Variants in KRT8 observed in about 807,000 individuals in gnomAD.
The protein encoded by KRT8 is keratin, type II cytoskeletal 8.
A neutral mutation model predicts 43.0 loss-of-function variants in KRT8; 24 were observed. That is an observed-to-expected ratio of 0.56 (90% CI 0.40 to 0.78). KRT8 has a LOEUF of 0.78. Ranked by LOEUF, KRT8 falls within the 30% of genes least tolerant of loss-of-function variation. KRT8 has a pLI of 0.00. For synonymous variants in KRT8, 214 were observed against 261.2 expected (o/e 0.82, Z 1.74); for missense variants, 492 against 638.4 (o/e 0.77, Z 2.47).
rs74724178 is a variant in KRT8, at chr12:52,919,978, G to A, written c.-46-14951C>T. Among the ~76,000 whole-genome samples the A allele has an allele frequency of 6.2e-3, 941 of 152,276 alleles. 11 individuals are homozygous for A. Among genetic ancestry groups the A allele is most frequent in the Middle Eastern group, 0.01 (3 of 294 alleles). ...AATCCTAAACTAATCCATGAGGAAG[G>A]TAACATTGTTCTCATTTTACAGACA... On this transcript the variant is annotated intron_variant, in intron 2 of 6. Transcript: ENST00000546826.
At chr12:52,949,749 C>T (rs946840139) in exon 1 of KRT8, 3 of 739,426 alleles carry the variant, frequency 4.1e-6, no homozygotes, top group Non-Finnish European at 7.4e-6. Context: ...CCACAGGGTC[C>T]CTAAGAGCAG....
At chr12:52,917,958 G>T (rs1941777261) in intron 2 of KRT8, among the ~76,000 whole-genome samples, 1 of 147,460 alleles carries the variant, frequency 6.8e-6, no homozygotes, top group African/African-American at 2.5e-5. Flanking sequence ...GGAAGAGGAA[G>T]AAGAAGAAGA....
At chr12:52,923,395 C>T (rs1400958747) in intron 2 of KRT8, among the ~76,000 whole-genome samples, 1 of 152,004 alleles carries the variant, frequency 6.6e-6, no homozygotes, top group Admixed American at 6.6e-5. Flanking sequence ...AGGGGCAGGA[C>T]CATTTATTCC....
chr12:52,928,755 A>C (rs936895796), intron 2 of KRT8, among the ~76,000 whole-genome samples: 3 of 152,104 alleles, frequency 2.0e-5, no homozygotes, highest in Non-Finnish European at 4.4e-5. Context: ...AAATACAAAA[A>C]ATTAGCTGGG....
At chr12:52,923,818 A>T (rs184640829) in intron 2 of KRT8, among the ~76,000 whole-genome samples, 1 of 152,040 alleles carries the variant, frequency 6.6e-6, no homozygotes, top group African/African-American at 2.4e-5. Flanking sequence ...TGAATTGCCT[A>T]AAGTGCTTGC....
intron 2 of KRT8, among the ~76,000 whole-genome samples, chr12:52,941,387 T>C (rs1942265019): frequency 1.3e-5 from 2 of 152,048 alleles, no homozygotes; most frequent in Non-Finnish European, 2.9e-5. Context: ...AGGAGGGGAT[T>C]CTGGTGGATG....
chr12:52,905,668 T>C (rs1410484792), upstream of KRT8, among the ~76,000 whole-genome samples: 1 of 152,124 alleles, frequency 6.6e-6, no homozygotes, highest in Non-Finnish European at 1.5e-5. Context: ...TCTGGGTAGA[T>C]ATTTGTGGAA....
intron 2 of KRT8, among the ~76,000 whole-genome samples, chr12:52,913,297 T>G (rs1472857743): frequency 6.6e-6 from 1 of 152,136 alleles, no homozygotes; most frequent in Non-Finnish European, 1.5e-5. Flanking sequence ...CCAACACACC[T>G]GTCAGTTTCC....
intron 2 of KRT8, among the ~76,000 whole-genome samples, chr12:52,925,666 C>G (rs1369646288): frequency 6.6e-6 from 1 of 152,160 alleles, no homozygotes. Flanking sequence ...CCAGCCAGCC[C>G]CAGGCCAGAA....
At chr12:52,904,690 G>T (rs1331169400) in exon 1 of KRT8, 1 of 1,612,962 alleles carries the variant, frequency 6.2e-7, no homozygotes, top group South Asian at 1.1e-5. Flanking sequence ...TTGTTGTTGA[G>T]GGTCTTGATC....
intron 2 of KRT8, among the ~76,000 whole-genome samples, chr12:52,914,910 G>A (rs1049945652): frequency 6.6e-6 from 1 of 152,132 alleles, no homozygotes; most frequent in African/African-American, 2.4e-5. Flanking sequence ...GCTTCCTGCT[G>A]AAGTTCCAGG....
chr12:52,927,758 G>A (rs545540830), intron 2 of KRT8, among the ~76,000 whole-genome samples: 4 of 152,310 alleles, frequency 2.6e-5, no homozygotes, highest in Non-Finnish European at 5.9e-5. Context: ...CTTCTCAACT[G>A]CAACCAGAGA....
At chr12:52,920,707 T>C (rs1415419771) in intron 2 of KRT8, among the ~76,000 whole-genome samples, 1 of 152,040 alleles carries the variant, frequency 6.6e-6, no homozygotes, top group Non-Finnish European at 1.5e-5. Flanking sequence ...CACCAGTATA[T>C]GATGAACGAA....
At chr12:52,934,964 C>T (rs963254653) in intron 2 of KRT8, among the ~76,000 whole-genome samples, 1 of 149,374 alleles carries the variant, frequency 6.7e-6, no homozygotes, top group Non-Finnish European at 1.5e-5. Flanking sequence ...AGTGAAACTC[C>T]GTCTCAAAAA....
At chr12:52,921,490 G>A (rs1979678) in intron 2 of KRT8, among the ~76,000 whole-genome samples, 111,544 of 151,862 alleles carry the variant, frequency 0.73, 42,026 homozygotes, top group African/African-American at 0.91. Flanking sequence ...CCACCCCCAG[G>A]CCCCCATGGC....
chr12:52,921,573 G>A (rs1462353748), intron 2 of KRT8, among the ~76,000 whole-genome samples: 1 of 151,966 alleles, frequency 6.6e-6, no homozygotes, highest in Non-Finnish European at 1.5e-5. Context: ...CAGGCCCAGG[G>A]CCCCTCCTTC....
chr12:52,905,114 G>T (rs1030072634), upstream of KRT8: 1 of 1,447,804 alleles, frequency 6.9e-7, no homozygotes, highest in Admixed American at 2.5e-5. Flanking sequence ...CGGGGGATGG[G>T]GGGGAAAGGC....
At chr12:52,901,756 A>G in intron 2 of KRT8, 108 bp downstream of exon 2, 1 of 800,284 alleles carries the variant, frequency 1.2e-6, no homozygotes, top group East Asian at 2.5e-5. Context: ...CTAATTAGAT[A>G]GGACTGCACT....
intron 2 of KRT8, among the ~76,000 whole-genome samples, chr12:52,924,975 G>A (rs927084424): frequency 6.6e-6 from 1 of 152,224 alleles, no homozygotes; most frequent in African/African-American, 2.4e-5. Context: ...GGAATGGGGA[G>A]GATGCGTCTG....
Sources: allele counts gnomAD v4.1 joint callset (sites outside exome capture counted in the v4.1 genomes callset), GRCh38; gene constraint gnomAD v4.1.1; transcripts MANE v1.5; gene names NCBI Gene and HGNC (gene_info 2026-07-23, HGNC 2026-07-21).